IPCEF1: variants seen among roughly 807,000 people sequenced by gnomAD.
The protein encoded by IPCEF1 is interaction protein for cytohesin exchange factors 1, also known as interactor protein for cytohesin exchange factors 1.
Under a neutral mutation model 50.9 loss-of-function variants are expected in IPCEF1, and 31 were observed. The observed-to-expected ratio is 0.61, with a 90% CI of 0.46 to 0.82. IPCEF1 has a LOEUF of 0.82. IPCEF1 is among the 40% of genes least tolerant of loss of function. IPCEF1 has a pLI of 0.00. For missense variants in IPCEF1, 458 were observed against 514.0 expected, an observed-to-expected ratio of 0.89 and a Z score of 1.05; for synonymous variants, 181 against 192.0, an observed-to-expected ratio of 0.94 and a Z score of 0.47.
intron 2 of IPCEF1, among the ~76,000 whole-genome samples, chr6:154,275,860 G>T (rs1324626649): frequency 1.3e-5 from 2 of 152,130 alleles, no homozygotes; most frequent in Non-Finnish European, 2.9e-5. Context: ...AACCCCTTTT[G>T]TCTGGCTAGA....
intron 10 of IPCEF1, among the ~76,000 whole-genome samples, chr6:154,195,662 C>G (rs2128586948): frequency 6.6e-6 from 1 of 152,276 alleles, no homozygotes. Flanking sequence ...AAACCTCTCT[C>G]TGGAGTGCTC....
chr6:154,197,903 T>G (rs1776747420), intron 10 of IPCEF1, among the ~76,000 whole-genome samples: 1 of 152,206 alleles, frequency 6.6e-6, no homozygotes. Flanking sequence ...AGGAGAAAAA[T>G]AATAGATGTA....
rs1798855299 is a variant in IPCEF1 at position 154,159,666 on chromosome 6, T to C, written c.*162A>G. On this transcript the variant is annotated 3_prime_UTR_variant, in exon 12 of 12. Coordinates refer to ENST00000367220, the MANE Select transcript of IPCEF1 (RefSeq NM_001130700.2). The stretch of plus-strand genomic sequence containing the variant: ...TTACGACTGAAATGAGGAGCCCTGG[T>C]GTATTCGGTGATTATCTTCATCTAA... 1 of 634,792 alleles carries C rather than the reference T, an allele frequency of 1.6e-6. No individual in the cohort carries two copies. The highest frequency in any genetic ancestry group is 1.8e-5 in the African/African-American group (1 of 54,286). The allele number at this position is 634,792 out of a possible 1,614,324, so 39.3% of individuals were successfully genotyped here.
At chr6:154,313,330 G>A (rs552075720) in intron 1 of IPCEF1, among the ~76,000 whole-genome samples, 8 of 151,004 alleles carry the variant, frequency 5.3e-5, no homozygotes, top group Non-Finnish European at 7.4e-5. Context: ...AGCTGAGATC[G>A]CGCCACTCCA....
At chr6:154,346,692 A>G (rs1562297734) in intron 1 of IPCEF1, among the ~76,000 whole-genome samples, 2 of 152,338 alleles carry the variant, frequency 1.3e-5, no homozygotes, top group Admixed American at 6.5e-5. Context: ...ACATGGCAGC[A>G]TGAGAGAGAA....
chr6:154,241,234 C>CAA lies in IPCEF1; in HGVS notation c.246+5355_246+5356dup, dbSNP rs11308882. On this transcript the variant is annotated intron_variant, in intron 5 of 11. Coordinates refer to ENST00000367220, the MANE Select transcript of IPCEF1 (RefSeq NM_001130700.2). ...CTAGCAACAAAGTGAGACTCCATCTCAAAAAAAAAAAAAAAAAAAAGAGAG... is the reference window on the plus strand; with the variant it reads ...CTAGCAACAAAGTGAGACTCCATCTCAAAAAAAAAAAAAAAAAAAAAAGAGAG... 2.5e-3 allele frequency among the ~76,000 whole-genome samples: 200 copies of CAA among 78,988 alleles called. 5 individuals are homozygous for CAA. Among genetic ancestry groups the CAA allele is most frequent in the African/African-American group, 7.4e-3 (156 of 20,960 alleles). The allele number at this position is 78,988 out of a possible 152,430, so 51.8% of individuals were successfully genotyped here.
chr6:154,351,593 A>G (rs995519081), intron 1 of IPCEF1, among the ~76,000 whole-genome samples: 4 of 152,246 alleles, frequency 2.6e-5, no homozygotes, highest in African/African-American at 9.6e-5. Flanking sequence ...CACTATTTAT[A>G]TAACAAAACC....
chr6:154,284,880 G>A (rs769468571), intron 2 of IPCEF1, among the ~76,000 whole-genome samples: 5 of 152,070 alleles, frequency 3.3e-5, no homozygotes, highest in Non-Finnish European at 7.4e-5. Flanking sequence ...TGCACCTGTA[G>A]TCCCAGCTAC....
chr6:154,204,108 C>T lies in IPCEF1; in HGVS notation c.538-4068G>A, dbSNP rs565415815. ...AAGTTAAAGACATTTCAAAAATCTT[C>T]GTTCTAGTTAAGAGACTATGATATG... On this transcript the variant is annotated intron_variant, in intron 9 of 11. Transcript: ENST00000367220. 4.6e-5 allele frequency among the ~76,000 whole-genome samples: 7 copies of T among 152,230 alleles called. No individual in the cohort carries two copies. The South Asian group carries it at 1.0e-3, about 23-fold the overall frequency.
chr6:154,352,759 C>A (rs567319097), intron 1 of IPCEF1, among the ~76,000 whole-genome samples: 5 of 152,302 alleles, frequency 3.3e-5, no homozygotes, highest in African/African-American at 1.2e-4. Context: ...GGCCAAGATT[C>A]TAACAACAGG....
intron 1 of IPCEF1, among the ~76,000 whole-genome samples, chr6:154,333,596 ATATATG>A (rs1783721509): frequency 4.0e-5 from 6 of 151,526 alleles, no homozygotes; most frequent in Non-Finnish European, 5.9e-5. Context: ...ATATACACAT[ATATATG>A]TATACAAGTA....
intron 5 of IPCEF1, among the ~76,000 whole-genome samples, chr6:154,227,496 A>G (rs762799419): frequency 3.9e-5 from 6 of 152,128 alleles, no homozygotes; most frequent in Non-Finnish European, 7.3e-5. Flanking sequence ...AGGTGGGAGG[A>G]TCACTTGAGC....
chr6:154,347,817 C>T (rs1784059921), intron 1 of IPCEF1, among the ~76,000 whole-genome samples: 1 of 152,182 alleles, frequency 6.6e-6, no homozygotes, highest in Admixed American at 6.5e-5. Flanking sequence ...GAAACGTGAG[C>T]TCGTGGGGAG....
chr6:154,290,546 C>G (rs556876111), intron 1 of IPCEF1, among the ~76,000 whole-genome samples: 1 of 152,286 alleles, frequency 6.6e-6, no homozygotes, highest in Admixed American at 6.5e-5. Flanking sequence ...CTAAGTCATG[C>G]CCCTCAATTG....
At chr6:154,348,778 A>G (rs1777694553) in intron 1 of IPCEF1, among the ~76,000 whole-genome samples, 1 of 152,232 alleles carries the variant, frequency 6.6e-6, no homozygotes, top group African/African-American at 2.4e-5. Flanking sequence ...GCGAATAAAC[A>G]GCAACGTTCC....
At chr6:154,222,237 G>C (rs1778923454) in intron 6 of IPCEF1, among the ~76,000 whole-genome samples, 1 of 152,234 alleles carries the variant, frequency 6.6e-6, no homozygotes, top group Admixed American at 6.5e-5. Context: ...CTTTAGGCAG[G>C]AAGTCCTGCA....
rs558661426 is a variant in IPCEF1, at chr6:154,178,127, TG to T, written c.911-10015del. ...ACACAGGGAGGGGAACATCACAGAC[TG>T]GGGCCTGTTGGTGGGTGGGGGGCTG... is the stretch of plus-strand genomic sequence containing the variant. On this transcript the variant is annotated intron_variant, in intron 10 of 11. Transcript: ENST00000367220. 3.3e-3 allele frequency among the ~76,000 whole-genome samples: 147 copies of T among 45,052 alleles called. 1 individual carries two copies. Among genetic ancestry groups the T allele is most frequent in the Admixed American group, 0.012 (35 of 2,942 alleles). 29.6% of individuals were successfully genotyped at this position (45,052 alleles called of 152,430 possible).
chr6:154,189,260 G>A (rs1201565389), intron 10 of IPCEF1, among the ~76,000 whole-genome samples: 1 of 152,162 alleles, frequency 6.6e-6, no homozygotes, highest in African/African-American at 2.4e-5. Flanking sequence ...AGGATGTGGG[G>A]CTTTGAGAGC....
At chr6:154,348,943 C>A (rs1203047464) in intron 1 of IPCEF1, among the ~76,000 whole-genome samples, 1 of 152,226 alleles carries the variant, frequency 6.6e-6, no homozygotes, top group Non-Finnish European at 1.5e-5. Flanking sequence ...TAATCATAAA[C>A]AAGTAGCCTA....
Sources: gnomAD v4.1 joint callset for allele counts (sites outside exome capture counted in the v4.1 genomes callset) on GRCh38, gnomAD v4.1.1 for gene constraint, MANE v1.5 for transcripts, NCBI Gene and HGNC (gene_info 2026-07-23, HGNC 2026-07-21) for gene names.